ARHGEF28: variants seen among roughly 807,000 people sequenced by gnomAD.
ARHGEF28 encodes 190 kDa guanine nucleotide exchange factor.
In ARHGEF28, 152 loss-of-function variants were observed where a neutral mutation model predicts 206.6. The observed-to-expected ratio is 0.74, with a 90% confidence interval of 0.64 to 0.84. ARHGEF28 has a LOEUF of 0.84. Ranked by LOEUF, ARHGEF28 falls within the 40% of genes least tolerant of loss-of-function variation. The pLI is 0.00. For missense variants in ARHGEF28, 2,028 were observed against 2,073.2 expected, an observed-to-expected ratio of 0.98 and a Z score of 0.42; for synonymous variants, 763 against 776.4, an observed-to-expected ratio of 0.98 and a Z score of 0.29.
At chr5:73,856,435 T>A (rs894907424) in intron 14 of ARHGEF28, among the ~76,000 whole-genome samples, 2 of 152,090 alleles carry the variant, frequency 1.3e-5, no homozygotes, top group Non-Finnish European at 2.9e-5. Context: ...ACTATACCTT[T>A]AGATCTACAT....
chr5:73,891,148 C>T (rs1273552496), intron 26 of ARHGEF28, among the ~76,000 whole-genome samples: 1 of 152,136 alleles, frequency 6.6e-6, no homozygotes, highest in Non-Finnish European at 1.5e-5. Context: ...CCATTCCCAC[C>T]CACCAAGGGC....
chr5:73,872,907 G>T (rs982073119), intron 21 of ARHGEF28, 92 bp from the exon 22 acceptor site: 3 of 1,377,592 alleles, frequency 2.2e-6, no homozygotes, highest in Admixed American at 4.9e-5. Context: ...TTTTATTTGC[G>T]TAACATATAG....
chr5:73,840,782 G>A, intron 11 of ARHGEF28, 22 bp downstream of exon 11: 1 of 1,586,628 alleles, frequency 6.3e-7, no homozygotes, highest in Non-Finnish European at 8.6e-7. Flanking sequence ...TATTGTAGAG[G>A]AAAACTGTAG....
At chr5:73,636,959 T>G (rs1160396198) in intron 1 of ARHGEF28, among the ~76,000 whole-genome samples, 1 of 152,190 alleles carries the variant, frequency 6.6e-6, no homozygotes, top group Non-Finnish European at 1.5e-5. Context: ...AGTTTGAAGA[T>G]GGTGCTTCAG....
At chr5:73,671,740 T>TATATA (rs1746357785) in intron 1 of ARHGEF28, among the ~76,000 whole-genome samples, 1 of 10,468 alleles carries the variant, frequency 9.6e-5, no homozygotes, top group Non-Finnish European at 1.6e-4. Flanking sequence ...ATATATATAT[T>TATATA]TTTTTTTTTT....
At position 73,805,792 on chromosome 5, in the gene ARHGEF28, A is replaced by G. The variant is rs1397334652; in HGVS notation, c.1024+10401A>G. 3.9e-5 allele frequency among the ~76,000 whole-genome samples: 6 copies of G among 152,158 alleles called. No individual in the cohort carries two copies. The East Asian group carries it at 7.7e-4, about 19-fold the overall frequency. The stretch of plus-strand genomic sequence containing the variant: ...TGTACATAGGTTAGGATACATTTAT[A>G]TATTTTCTTGATCTGGCAGTTAAGA... On this transcript the variant is annotated intron_variant, in intron 9 of 35. Transcript: ENST00000513042.
At chr5:73,830,919 C>G (rs1277534497) in intron 9 of ARHGEF28, among the ~76,000 whole-genome samples, 1 of 152,114 alleles carries the variant, frequency 6.6e-6, no homozygotes, top group Non-Finnish European at 1.5e-5. Context: ...AACAGCAGTA[C>G]TATTCCTATG....
chr5:73,737,225 A>G (rs1306424610), intron 2 of ARHGEF28, among the ~76,000 whole-genome samples: 4 of 151,920 alleles, frequency 2.6e-5, no homozygotes, highest in Non-Finnish European at 4.4e-5. Flanking sequence ...CCTTTTTACA[A>G]AAGTGTTTCC....
At chr5:73,628,612 C>T (rs1025506241) in intron 1 of ARHGEF28, among the ~76,000 whole-genome samples, 3 of 152,186 alleles carry the variant, frequency 2.0e-5, no homozygotes, top group African/African-American at 4.8e-5. Context: ...CACCGGCCCC[C>T]GCCCATAACC....
intron 1 of ARHGEF28, among the ~76,000 whole-genome samples, chr5:73,650,665 C>T (rs1375805053): frequency 6.6e-6 from 1 of 150,968 alleles, no homozygotes; most frequent in African/African-American, 2.4e-5. Context: ...TTGACAATGT[C>T]TCACCCTATC....
intron 7 of ARHGEF28, 147 bp downstream of exon 7, chr5:73,780,892 G>C (rs1172337585): frequency 6.7e-6 from 5 of 750,088 alleles, no homozygotes; most frequent in Middle Eastern, 3.8e-4. Flanking sequence ...CAAAGCCCCT[G>C]GGTCCTCGGA....
chr5:73,908,814 GC>G (rs1762693991), intron 33 of ARHGEF28: 2 of 152,156 alleles, frequency 1.3e-5, no homozygotes, highest in South Asian at 4.1e-4. Flanking sequence ...ACTAGCTTTA[GC>G]CACTTACATA....
Position 73,875,728 on chromosome 5 carries a change from G to C in ARHGEF28, c.2814+2482G>C, listed in dbSNP as rs1259390829. On this transcript the variant is annotated intron_variant, in intron 22 of 35. Coordinates refer to ENST00000513042, the MANE Select transcript of ARHGEF28 (RefSeq NM_001177693.2). ...CAGGTTTGTCAAAGATCAGATAGTTGTAGATATGCGGCGTTATTTCTGAGG... is the reference window on the plus strand; with the variant it reads ...CAGGTTTGTCAAAGATCAGATAGTTCTAGATATGCGGCGTTATTTCTGAGG... 4.0e-5 allele frequency among the ~76,000 whole-genome samples: 6 copies of C among 151,556 alleles called. No individual in the cohort carries two copies. The South Asian group carries it at 1.0e-3, about 26-fold the overall frequency.
At chr5:73,861,584 C>T (rs1231372154) in intron 16 of ARHGEF28, among the ~76,000 whole-genome samples, 1 of 152,194 alleles carries the variant, frequency 6.6e-6, no homozygotes, top group Non-Finnish European at 1.5e-5. Flanking sequence ...AGGCACATGC[C>T]ACAACACCCA....
At chr5:73,910,882 G>T (rs1762862435) in intron 34 of ARHGEF28, among the ~76,000 whole-genome samples, 1 of 152,186 alleles carries the variant, frequency 6.6e-6, no homozygotes, top group Non-Finnish European at 1.5e-5. Context: ...AAGCTTACAA[G>T]ATCTCTGTTG....
intron 2 of ARHGEF28, among the ~76,000 whole-genome samples, chr5:73,722,321 T>A (rs1750007554): frequency 1.3e-5 from 2 of 152,242 alleles, no homozygotes; most frequent in South Asian, 4.1e-4. Flanking sequence ...GTGCTAAGTA[T>A]GATTTCCTCT....
At position 73,894,486 on chromosome 5, in the gene ARHGEF28, A is replaced by G; in HGVS notation, c.3752A>G (p.Asp1251Gly). ...CTTGGAGAACTGAGCGGATTTGAGG[A>G]CGTCCATCTAGAGCCCCACCTCCTT... ...AELGELSGFE[D>G]VHLEPHLLIK... The change falls in exon 29 of 36, where the codon GAC becomes GGC. Residue 1251 changes from aspartate to glycine, a missense_variant. This residue lies in a region of ARHGEF28 where 803 missense variants were observed against 768.0 expected (regional missense o/e 1.05). Transcript: ENST00000513042. The G allele has an allele frequency of 6.2e-7, 1 of 1,613,956 alleles. No homozygotes were observed. Among genetic ancestry groups the G allele is most frequent in the Non-Finnish European group, 8.5e-7 (1 of 1,179,876 alleles).
At chr5:73,661,491 G>C (rs1404637976) in intron 1 of ARHGEF28, among the ~76,000 whole-genome samples, 1 of 152,042 alleles carries the variant, frequency 6.6e-6, no homozygotes, top group Non-Finnish European at 1.5e-5. Context: ...TTCACACCTT[G>C]ACTGTTTGGC....
chr5:73,628,165 C>T (rs1743124055), intron 1 of ARHGEF28, among the ~76,000 whole-genome samples: 1 of 151,814 alleles, frequency 6.6e-6, no homozygotes, highest in Non-Finnish European at 1.5e-5. Context: ...TAAGAAACTA[C>T]ACTTGTGGCT....
Sources: gnomAD v4.1 joint callset for allele counts (sites outside exome capture counted in the v4.1 genomes callset) on GRCh38, gnomAD v4.1.1 for gene constraint, gnomAD v4.1.1 regional missense constraint, MANE v1.5 for transcripts, NCBI Gene and HGNC (gene_info 2026-07-23, HGNC 2026-07-21) for gene names.